The following ARVCF variants were observed in gnomAD, a reference collection of about 807,000 sequenced individuals.
ARVCF encodes the protein splicing regulator ARVCF.
In ARVCF, 66 loss-of-function variants were observed where a neutral mutation model predicts 90.9. The observed-to-expected ratio is 0.73, with a 90% CI of 0.60 to 0.89. ARVCF has a LOEUF of 0.89. ARVCF is among the 40% of genes least tolerant of loss of function. The probability of loss-of-function intolerance (pLI) is 0.00; values close to 1 mark genes in which losing one functional copy is unlikely to be tolerated. For missense variants in ARVCF, 1,469 were observed against 1,382.3 expected, an observed-to-expected ratio of 1.06 and a Z score of -1.00; for synonymous variants, 653 against 603.4, an observed-to-expected ratio of 1.08 and a Z score of -1.21.
At position 19,972,412 on chromosome 22, in the gene ARVCF, C is replaced by T. The variant is rs772118624; in HGVS notation, c.2642-1G>A. On this transcript the variant is annotated splice_acceptor_variant, in intron 16 of 19. Coordinates refer to ENST00000263207, the MANE Select transcript of ARVCF (RefSeq NM_001670.3). LOFTEE classifies it high-confidence loss of function. The stretch of plus-strand genomic sequence containing the variant: ...TCCCGGCTGCCAGTTTTCTCGCCCT[C>T]TGCAAGGCAGGAGGAGGAGACGGGC... 1.2e-6 allele frequency: 2 copies of T among 1,613,526 alleles called. No homozygotes were observed. Among genetic ancestry groups the T allele is most frequent in the Admixed American group, 3.3e-5 (2 of 60,016 alleles).
At position 19,973,169 on chromosome 22, in the gene ARVCF, C is replaced by G. The variant is rs1015873984; in HGVS notation, c.2388G>C (p.Ser796=). 1.9e-6 allele frequency: 3 copies of G among 1,610,356 alleles called. No homozygotes were observed. The highest frequency in any genetic ancestry group is 2.2e-5 in the East Asian group (1 of 44,704). Residue 796 remains serine, a synonymous_variant, in exon 14 of 20, where the codon TCG becomes TCC. Transcript: ENST00000263207. ...CTGGCACCCCGCGTGCCTGCAGGAG[C>G]GAGCGCGCGTTATCCAGGCTGTCGG... The part of the protein sequence containing the change: ...IVSDSLDNAR[S]LLQARGVPAL...
intron 1 of ARVCF, among the ~76,000 whole-genome samples, chr22:20,012,079 T>TCC (rs11405277): frequency 0.028 from 3,272 of 117,046 alleles, 248 homozygotes; most frequent in East Asian, 0.055. Context: ...CCTCCCAAAG[T>TCC]CCCCCCCCCC....
At chr22:19,969,337 G>C (rs1435232211), downstream of ARVCF, 1 of 153,810 alleles carries the variant, frequency 6.5e-6, no homozygotes, top group Admixed American at 6.4e-5. Flanking sequence ...GGACCCCGCA[G>C]CAGCACCAGC....
chr22:19,992,554 C>T (rs1216475462), intron 2 of ARVCF, among the ~76,000 whole-genome samples: 2 of 152,166 alleles, frequency 1.3e-5, no homozygotes, highest in Non-Finnish European at 2.9e-5. Flanking sequence ...CCCCCTGGGA[C>T]GGCCAGGGCG....
intron 12 of ARVCF, 61 bp from the exon 13 acceptor site, chr22:19,973,854 C>T (rs1008237795): frequency 2.5e-5 from 39 of 1,557,356 alleles, no homozygotes; most frequent in African/African-American, 9.4e-5. Context: ...CACCTCCAGA[C>T]GCTGACCGCT....
intron 2 of ARVCF, among the ~76,000 whole-genome samples, chr22:19,995,985 T>C (rs1474905205): frequency 6.6e-6 from 1 of 152,208 alleles, no homozygotes; most frequent in Non-Finnish European, 1.5e-5. Context: ...TCCCCCTAGC[T>C]GGCCAGGCCT....
At chr22:19,999,089 A>G (rs1205650621) in intron 2 of ARVCF, among the ~76,000 whole-genome samples, 1 of 152,138 alleles carries the variant, frequency 6.6e-6, no homozygotes, top group African/African-American at 2.4e-5. Context: ...TCCATGCTAC[A>G]GCCCCACAGC....
intron 1 of ARVCF, among the ~76,000 whole-genome samples, chr22:20,014,385 G>A (rs952820494): frequency 6.6e-6 from 1 of 151,578 alleles, no homozygotes; most frequent in Admixed American, 6.6e-5. Context: ...AGTAGAGACA[G>A]GGTTTCACCA....
chr22:20,002,040 C>T (rs1354521987), intron 2 of ARVCF, among the ~76,000 whole-genome samples: 1 of 152,136 alleles, frequency 6.6e-6, no homozygotes, highest in Non-Finnish European at 1.5e-5. Flanking sequence ...GTTTCCAGAG[C>T]GAGAACGACA....
At position 19,980,228 on chromosome 22, in the gene ARVCF, G is replaced by A; in HGVS notation, c.911C>T (p.Thr304Ile). 1.3e-6 allele frequency: 2 copies of A among 1,536,244 alleles called. No individual in the cohort carries two copies. Among genetic ancestry groups the A allele is most frequent in the Non-Finnish European group, 8.8e-7 (1 of 1,142,102 alleles). ...CGCCAGCTCGCCGCCATCATCTGCT[G>A]TGTCCTCGTAGGCCCTGCACAGGCA... ...RGLHTRAYEDTADDGGELADE... is the reference protein window; with the variant it reads ...RGLHTRAYEDIADDGGELADE... Residue 304 changes from threonine (T) to isoleucine (I), a missense_variant, in exon 6 of 20, where the codon ACA (threonine) becomes ATA (isoleucine). By Grantham distance (89) the Thr-to-Ile change is moderately conservative. Coordinates refer to ENST00000263207, the MANE Select transcript of ARVCF (RefSeq NM_001670.3).
chr22:19,980,073 G>C lies in ARVCF; in HGVS notation c.1066C>G (p.Arg356Gly). 4 of 1,581,690 alleles carry C rather than the reference G, an allele frequency of 2.5e-6. No individual in the cohort carries two copies. The South Asian group carries it at 3.4e-5, about 13-fold the overall frequency. Residue 356 changes from arginine (R) to glycine (G), a missense_variant, in exon 6 of 20, where the codon CGG (arginine) becomes GGG (glycine). By Grantham distance (125) the Arg-to-Gly change is moderately radical. Coordinates refer to ENST00000263207, the MANE Select transcript of ARVCF (RefSeq NM_001670.3). ...VDSARKEPRW[R>G]DPELPEVLAM... ...AGCACCTCAGGCAGCTCAGGGTCCC[G>C]CCAGCGCGGCTCCTTGCGGGCGCTA...
chr22:20,010,440 A>G lies in ARVCF; in HGVS notation c.-19+15T>C, dbSNP rs896833372. On this transcript the variant is annotated intron_variant, in intron 2 of 19. Coordinates refer to ENST00000263207, the MANE Select transcript of ARVCF (RefSeq NM_001670.3). ...GTGGGAGAGGATGTCCCCAAGCTAA[A>G]CCCAGGCCACTCACCTGTCTTGAGG... The G allele has an allele frequency of 1.3e-5, 2 of 152,094 alleles. No homozygotes were observed. The highest frequency in any genetic ancestry group is 4.8e-5 in the African/African-American group (2 of 41,350). The allele number at this position is 152,094 out of a possible 1,614,324, so 9.4% of individuals were successfully genotyped here. A position where few individuals can be genotyped will look rare whatever the true frequency, so the allele number is the denominator to read the frequency against.
Position 19,975,765 on chromosome 22 carries a change from G to C in ARVCF, c.1889-8C>G. 6.2e-7 allele frequency: 1 copy of C among 1,613,408 alleles called. No homozygotes were observed. The highest frequency in any genetic ancestry group is 8.5e-7 in the Non-Finnish European group (1 of 1,179,930). ...TCTCACCATCCTTCTTTCCTGGAAG[G>C]GAAAGGTGGTGGGAGGTGAGGCAGA... On this transcript the variant is annotated splice_polypyrimidine_tract_variant and splice_region_variant and intron_variant, in intron 10 of 19. Coordinates refer to ENST00000263207, the MANE Select transcript of ARVCF (RefSeq NM_001670.3).
At chr22:20,015,861 A>G (rs1352933280) in intron 1 of ARVCF, among the ~76,000 whole-genome samples, 1 of 152,260 alleles carries the variant, frequency 6.6e-6, no homozygotes, top group Non-Finnish European at 1.5e-5. Context: ...ACACATAGCT[A>G]AGAAACGGTG....
intron 3 of ARVCF, chr22:19,986,786 G>C (rs573782916): frequency 1.6e-4 from 60 of 381,050 alleles, no homozygotes; most frequent in African/African-American, 1.2e-3. Context: ...GTCCGGGCCG[G>C]TGCCAAGAGG....
At chr22:19,991,094 C>T (rs755128765) in intron 2 of ARVCF, among the ~76,000 whole-genome samples, 1 of 152,254 alleles carries the variant, frequency 6.6e-6, no homozygotes, top group Non-Finnish European at 1.5e-5. Context: ...GCTTGGAGCC[C>T]GCTGGGAAGG....
chr22:20,015,443 A>G (rs1945019641), intron 1 of ARVCF, among the ~76,000 whole-genome samples: 1 of 152,224 alleles, frequency 6.6e-6, no homozygotes, highest in Non-Finnish European at 1.5e-5. Context: ...ACCGGGCAAG[A>G]GAGCGCTGAC....
intron 19 of ARVCF, among the ~76,000 whole-genome samples, 198 bp downstream of exon 19, chr22:19,971,018 G>A (rs549404928): frequency 8.1e-4 from 123 of 152,334 alleles, no homozygotes; most frequent in African/African-American, 2.9e-3. Context: ...GGACAGGGCT[G>A]TGGGCCCAGG....
downstream of ARVCF, chr22:19,969,704 G>A (rs1373157897): frequency 4.6e-6 from 2 of 434,520 alleles, no homozygotes; most frequent in East Asian, 3.2e-4. Context: ...CACTCCTATG[G>A]ATAGACAGAC....
Sources: allele counts gnomAD v4.1 joint callset (sites outside exome capture counted in the v4.1 genomes callset), GRCh38; gene constraint gnomAD v4.1.1; transcripts MANE v1.5; gene names NCBI Gene and HGNC (gene_info 2026-07-23, HGNC 2026-07-21).